COL6A5: variants seen among roughly 807,000 people sequenced by gnomAD.
COL6A5 encodes collagen alpha-5(VI) chain.
A neutral mutation model predicts 65.6 loss-of-function variants in COL6A5; 48 were observed. The ratio of observed to expected loss-of-function variants is 0.73; its 90% CI spans 0.58 to 0.93. The LOEUF (loss-of-function observed/expected upper bound fraction) is 0.93, where lower values mean the gene tolerates loss of function less well. COL6A5 is among the 40% of genes least tolerant of loss of function. COL6A5 has a pLI of 0.00. For missense variants in COL6A5, 914 were observed against 928.3 expected (o/e 0.98, Z 0.20); for synonymous variants, 291 against 322.8 (o/e 0.90, Z 1.05).
intron 6 of COL6A5, 102 bp from the exon 7 acceptor site, chr3:130,391,072 CTGACA>C (rs746987922): frequency 0.044 from 33,590 of 769,352 alleles, 852 homozygotes; most frequent in South Asian, 0.082. Context: ...GATATAGTGT[CTGACA>C]CATAGTAGGC....
intron 7 of COL6A5, among the ~76,000 whole-genome samples, chr3:130,481,013 G>GCCTAGATTTC (rs1334027600): frequency 6.6e-6 from 1 of 152,030 alleles, no homozygotes; most frequent in Admixed American, 6.6e-5. Flanking sequence ...GATTTCCTGA[G>GCCTAGATTTC]CTGAGGCAAG....
exon 6 of COL6A5, chr3:130,469,103 A>G (rs1372598302): frequency 8.1e-6 from 13 of 1,612,970 alleles, no homozygotes; most frequent in Non-Finnish European, 1.1e-5. Flanking sequence ...TTATAACAGT[A>G]TACACCAAAT....
At chr3:130,410,638 G>T in intron 20 of COL6A5, 114 bp downstream of exon 20, 1 of 859,744 alleles carries the variant, frequency 1.2e-6, no homozygotes, top group Non-Finnish European at 1.9e-6. Context: ...ATTTTTCAGG[G>T]CTTCTCCATC....
At chr3:130,371,016 A>T (rs184181502) in intron 1 of COL6A5, among the ~76,000 whole-genome samples, 4 of 152,168 alleles carry the variant, frequency 2.6e-5, no homozygotes, top group African/African-American at 9.6e-5. Context: ...TACTCTCTAA[A>T]CATACACCCA....
chr3:130,347,612 A>C (rs1934536163), intron 1 of COL6A5, among the ~76,000 whole-genome samples: 1 of 152,150 alleles, frequency 6.6e-6, no homozygotes, highest in Non-Finnish European at 1.5e-5. Flanking sequence ...TCTATAATGA[A>C]GTGTAAGGCT....
At position 130,461,774 on chromosome 3, in the gene COL6A5, T is replaced by A. The variant is rs548886098; in HGVS notation, c.1544+6108T>A. On this transcript the variant is annotated intron_variant, in intron 5 of 7. Coordinates refer to ENST00000512836, the Ensembl canonical transcript of COL6A5. ...TAAATTTAAATTAACTTTTTTTTTT[T>A]TAAAAAAAACCTTCTTATAAACTCA... 7.6e-4 allele frequency among the ~76,000 whole-genome samples: 115 copies of A among 150,734 alleles called. 1 individual carries two copies. The highest frequency in any genetic ancestry group is 3.7e-3 in the East Asian group (19 of 5,128).
At position 130,435,291 on chromosome 3, in the gene COL6A5, T is replaced by G. The variant is rs117096882; in HGVS notation, c.487+3342T>G. Among the ~76,000 whole-genome samples, 10 of 152,308 alleles carry G rather than the reference T, an allele frequency of 6.6e-5. No individual in the cohort carries two copies. In the East Asian group the frequency reaches 1.7e-3, roughly 26 times the overall value. On this transcript the variant is annotated intron_variant, in intron 1 of 7. Coordinates refer to ENST00000512836, the Ensembl canonical transcript of COL6A5. Reference sequence around the variant, plus strand: ...TTCTGAGGTCTCTATTCTGCTCCATTGAGCTATATGTCTGTTTTGGTACCA... The same window carrying G: ...TTCTGAGGTCTCTATTCTGCTCCATGGAGCTATATGTCTGTTTTGGTACCA...
At chr3:130,469,566 C>A (rs188019826) in intron 6 of COL6A5, 85 bp downstream of exon 38, 146 of 1,095,134 alleles carry the variant, frequency 1.3e-4, no homozygotes, top group Non-Finnish European at 1.8e-4. Context: ...GTAAAATGAT[C>A]CTCACTTCAG....
Position 130,397,932 on chromosome 3 carries a change from A to C in COL6A5, c.3909+9A>C. The C allele has an allele frequency of 6.5e-7, 1 of 1,549,190 alleles. No homozygotes were observed. The highest frequency in any genetic ancestry group is 8.7e-7 in the Non-Finnish European group (1 of 1,144,824). Reference sequence around the variant, plus strand: ...CTGCATCCCGGGGCCAGGTATCCATATTACATTCTATCTCCCATCTCCACA... The same window carrying C: ...CTGCATCCCGGGGCCAGGTATCCATCTTACATTCTATCTCCCATCTCCACA... On this transcript the variant is annotated intron_variant and NMD_transcript_variant, in intron 9 of 41. Coordinates refer to the COL6A5 transcript ENST00000312481.
chr3:130,419,213 AG>A (rs1342420018), intron 25 of COL6A5, among the ~76,000 whole-genome samples: 2 of 152,134 alleles, frequency 1.3e-5, no homozygotes, highest in African/African-American at 4.8e-5. Context: ...ATGGCCACAT[AG>A]ATGCATATCC....
At chr3:130,439,378 T>TGA in intron 1 of COL6A5, 144 bp from the exon 34 acceptor site, 1 of 544,186 alleles carries the variant, frequency 1.8e-6, no homozygotes, top group Non-Finnish European at 3.3e-6. Flanking sequence ...TGTGTGTGTG[T>TGA]GAACATGCAC....
intron 7 of COL6A5, among the ~76,000 whole-genome samples, chr3:130,393,772 T>G (rs1936491121): frequency 6.6e-6 from 1 of 152,182 alleles, no homozygotes; most frequent in Non-Finnish European, 1.5e-5. Context: ...CTGTCCAGCT[T>G]CAGCCTGAAA....
chr3:130,388,074 C>T (rs1310560751), intron 5 of COL6A5, among the ~76,000 whole-genome samples: 5 of 151,998 alleles, frequency 3.3e-5, no homozygotes, highest in African/African-American at 9.6e-5. Flanking sequence ...ACTTTTTCTC[C>T]AATTTCTAAT....
intron 1 of COL6A5, among the ~76,000 whole-genome samples, chr3:130,358,074 A>G (rs1398273439): frequency 6.6e-6 from 1 of 152,074 alleles, no homozygotes; most frequent in Non-Finnish European, 1.5e-5. Context: ...CTGTAGTCCC[A>G]GCTACTCGGG....
intron 5 of COL6A5, among the ~76,000 whole-genome samples, chr3:130,468,497 C>T (rs1424994188): frequency 2.0e-5 from 3 of 152,022 alleles, no homozygotes; most frequent in Admixed American, 2.0e-4. Flanking sequence ...TGTTTCTCAA[C>T]TTGCATATTA....
At position 130,397,953 on chromosome 3, in the gene COL6A5, C is replaced by G. The variant is rs1370061289; in HGVS notation, c.3909+30C>G. On this transcript the variant is annotated intron_variant and NMD_transcript_variant, in intron 9 of 41. Transcript: ENST00000312481. ...CCATATTACATTCTATCTCCCATCTCCACATTCTCCCATTTGTTCTTCATT... is the reference window on the plus strand; with the variant it reads ...CCATATTACATTCTATCTCCCATCTGCACATTCTCCCATTTGTTCTTCATT... The G allele has an allele frequency of 5.2e-6, 8 of 1,544,150 alleles. No individual in the cohort carries two copies. In the African/African-American group the frequency reaches 9.6e-5, roughly 19 times the overall value.
chr3:130,406,556 C>T (rs536125192), intron 17 of COL6A5, among the ~76,000 whole-genome samples: 43 of 152,086 alleles, frequency 2.8e-4, no homozygotes, highest in African/African-American at 8.9e-4. Flanking sequence ...GTTCTATGGG[C>T]ATGTTTCTCA....
At chr3:130,476,843 A>G (rs1251656892) in intron 7 of COL6A5, 1 of 663,258 alleles carries the variant, frequency 1.5e-6, no homozygotes, top group Non-Finnish European at 2.8e-6. Flanking sequence ...TATTATATAC[A>G]TCTAGAAATA....
intron 1 of COL6A5, among the ~76,000 whole-genome samples, chr3:130,350,848 T>C (rs1398249554): frequency 1.3e-5 from 2 of 152,204 alleles, no homozygotes; most frequent in African/African-American, 2.4e-5. Flanking sequence ...AGCACCTGCA[T>C]TGCCAAGACA....
Sources: allele counts gnomAD v4.1 joint callset (sites outside exome capture counted in the v4.1 genomes callset), GRCh38; gene constraint gnomAD v4.1.1; transcripts MANE v1.5; gene names NCBI Gene and HGNC (gene_info 2026-07-23, HGNC 2026-07-21).